The following ADAM12 variants were observed in gnomAD, a reference collection of about 807,000 sequenced individuals.
The protein encoded by ADAM12 is disintegrin and metalloproteinase domain-containing protein 12.
Under a neutral mutation model 106.4 loss-of-function variants are expected in ADAM12, and 70 were observed. The ratio of observed to expected loss-of-function variants is 0.66; its 90% confidence interval spans 0.54 to 0.80. ADAM12 has a LOEUF of 0.80. ADAM12 is among the 30% of genes least tolerant of loss of function. ADAM12 has a pLI of 0.00. For missense variants in ADAM12, 1,010 were observed against 1,171.9 expected (o/e 0.86, Z 2.02); for synonymous variants, 420 against 433.5 (o/e 0.97, Z 0.39).
intron 11 of ADAM12, among the ~76,000 whole-genome samples, chr10:126,087,332 T>A (rs1305613758): frequency 6.6e-6 from 1 of 152,220 alleles, no homozygotes; most frequent in Non-Finnish European, 1.5e-5. Context: ...CTTCTTGAAC[T>A]GTTTTCAAGA....
At chr10:126,086,667 AAAAAAAAAAAAAAATATAT>A (rs1160507278) in intron 11 of ADAM12, among the ~76,000 whole-genome samples, 2 of 69,826 alleles carry the variant, frequency 2.9e-5, no homozygotes, top group African/African-American at 1.6e-4. Flanking sequence ...AAAAAAAAAA[AAAAAAAAAAAAAAATATAT>A]ATATATATAT....
intron 14 of ADAM12, among the ~76,000 whole-genome samples, chr10:126,057,161 A>G (rs1209640026): frequency 2.2e-5 from 1 of 44,764 alleles, no homozygotes; most frequent in African/African-American, 7.7e-5. Context: ...GTGTGAGATG[A>G]TATCTCATAG....
Position 126,043,250 on chromosome 10 carries a change from GAC to G in ADAM12, c.1996-104_1996-103del, listed in dbSNP as rs1954226378. ...ATGGTCAGAGCCCCCCCCCAACACT[GAC>G]ACAGCCAGACTCAGCACACGCCATG... On this transcript the variant is annotated intron_variant, in intron 17 of 22. Transcript: ENST00000448723. This position sits in a 1 kb window ranked among gnomAD's most constrained non-coding sequence, Gnocchi z 4.1. The G allele has an allele frequency of 2.9e-5, 30 of 1,047,122 alleles. No individual in the cohort carries two copies. In the South Asian group the frequency reaches 4.3e-4, roughly 15 times the overall value. 64.9% of individuals were successfully genotyped at this position (1,047,122 alleles called of 1,614,324 possible). A position where few individuals can be genotyped will look rare whatever the true frequency, so the allele number is the denominator to read the frequency against.
rs769071080 is a variant in ADAM12 at position 126,019,719 on chromosome 10, G to A, written c.2636C>T (p.Thr879Ile). 1.2e-6 allele frequency: 2 copies of A among 1,613,916 alleles called. No homozygotes were observed. ...CCTGAGGGGTGCCAGGCGGAGCCCA[G>A]TCTCCCATTGTCCTGGGGTCCTGGC... ...ALARTPGQWE[T>I]GLRLAPLRPA... The change falls in exon 22 of 23, where the codon ACT (threonine) becomes ATT (isoleucine). Residue 879 changes from threonine to isoleucine, a missense_variant. Transcript: ENST00000448723.
At chr10:126,082,234 A>G (rs1385258459) in intron 11 of ADAM12, among the ~76,000 whole-genome samples, 5 of 152,118 alleles carry the variant, frequency 3.3e-5, no homozygotes, top group Admixed American at 6.5e-5. Context: ...CATAAAGCTC[A>G]TGTCACATGA....
intron 3 of ADAM12, among the ~76,000 whole-genome samples, chr10:126,162,088 A>G (rs926517934): frequency 1.3e-5 from 2 of 152,194 alleles, no homozygotes; most frequent in African/African-American, 2.4e-5. Context: ...AGCATGCTGC[A>G]CAATGGGAAT....
In ADAM12 at chr10:126,014,028, A is replaced by G. The variant is rs1022427737; in HGVS notation, c.*3251T>C. The G allele has an allele frequency of 6.6e-6, 1 of 152,208 alleles. No homozygotes were observed. The highest frequency in any genetic ancestry group is 2.4e-5 in the African/African-American group (1 of 41,408). 9.4% of individuals were successfully genotyped at this position (152,208 alleles called of 1,614,324 possible). On this transcript the variant is annotated 3_prime_UTR_variant, in exon 23 of 23. Transcript: ENST00000448723. ...GCCTGAGTGTGCCGTGGGCCCCCCG[A>G]ATACATAGGGGAGCCCTGCAAAGCA... is the stretch of plus-strand genomic sequence containing the variant.
In ADAM12 at chr10:126,154,783, G is replaced by A. The variant is rs1035322294; in HGVS notation, c.339+444C>T. Among the ~76,000 whole-genome samples, 10 of 152,268 alleles carry A rather than the reference G, an allele frequency of 6.6e-5. No homozygotes were observed. In the East Asian group the frequency reaches 1.7e-3, roughly 26 times the overall value. Reference sequence around the variant, plus strand: ...AATGTCATGTTACAGTAACACCCACGATATAGAATCGTATCCACATTGTGG... The same window carrying A: ...AATGTCATGTTACAGTAACACCCACAATATAGAATCGTATCCACATTGTGG... On this transcript the variant is annotated intron_variant, in intron 4 of 22. Coordinates refer to ENST00000448723, the MANE Select transcript of ADAM12 (RefSeq NM_001288973.2).
Position 126,017,094 on chromosome 10 carries a change from G to A in ADAM12, c.*185C>T. On this transcript the variant is annotated 3_prime_UTR_variant, in exon 23 of 23. Transcript: ENST00000448723. ...TTCTGCATAAATTAATAATTTACAA[G>A]TACCTGAGCAAGTAGACAGAGCACC... 1 of 547,318 alleles carries A rather than the reference G, an allele frequency of 1.8e-6. No homozygotes were observed. Among genetic ancestry groups the A allele is most frequent in the Non-Finnish European group, 3.3e-6 (1 of 307,414 alleles). 33.9% of individuals were successfully genotyped at this position (547,318 alleles called of 1,614,324 possible).
intron 11 of ADAM12, among the ~76,000 whole-genome samples, chr10:126,086,904 G>A (rs1955368598): frequency 6.7e-6 from 1 of 149,606 alleles, no homozygotes; most frequent in African/African-American, 2.5e-5. Context: ...TTGGTAGTGT[G>A]CACCTGTAAT....
chr10:126,167,729 A>G (rs1957049118), intron 3 of ADAM12, among the ~76,000 whole-genome samples: 2 of 152,204 alleles, frequency 1.3e-5, no homozygotes, highest in Non-Finnish European at 2.9e-5. Context: ...TTCATTTTCT[A>G]ATTGCCCTTC....
At chr10:126,026,214 C>G (rs1479221114) in intron 21 of ADAM12, among the ~76,000 whole-genome samples, 1 of 152,130 alleles carries the variant, frequency 6.6e-6, no homozygotes, top group Non-Finnish European at 1.5e-5. Flanking sequence ...ACAAAACAGA[C>G]TTTAAACCAA....
intron 1 of ADAM12, among the ~76,000 whole-genome samples, chr10:126,360,692 C>T (rs537637935): frequency 2.7e-4 from 41 of 152,336 alleles, no homozygotes; most frequent in Admixed American, 7.2e-4. Context: ...CAAACTTTCT[C>T]ACATTTTCCT....
At chr10:126,058,438 C>T (rs1054498843) in intron 14 of ADAM12, among the ~76,000 whole-genome samples, 11 of 152,198 alleles carry the variant, frequency 7.2e-5, no homozygotes, top group African/African-American at 2.7e-4. Flanking sequence ...TATTCATTGA[C>T]ATCAAATGAA....
chr10:126,135,410 T>C, intron 5 of ADAM12, 174 bp downstream of exon 5: 1 of 608,714 alleles, frequency 1.6e-6, no homozygotes, highest in Non-Finnish European at 2.9e-6. Flanking sequence ...TGGGTGGCCA[T>C]GCTCTTGTAA....
chr10:126,033,228 C>T (rs1366957585), intron 21 of ADAM12, among the ~76,000 whole-genome samples: 1 of 152,022 alleles, frequency 6.6e-6, no homozygotes, highest in African/African-American at 2.4e-5. Flanking sequence ...AGTTTTATAC[C>T]AGAGAAATCA....
chr10:126,361,127 G>A lies in ADAM12; in HGVS notation c.88+26931C>T, dbSNP rs139966708. Among the ~76,000 whole-genome samples the A allele has an allele frequency of 5.8e-3, 877 of 152,276 alleles. 11 individuals are homozygous for A. Among genetic ancestry groups the A allele is most frequent in the African/African-American group, 0.02 (850 of 41,548 alleles). On this transcript the variant is annotated intron_variant, in intron 1 of 22. Transcript: ENST00000448723. The stretch of plus-strand genomic sequence containing the variant: ...TCCCACCAGGTTCCTCCCACAACAC[G>A]TGGGAAGTCAAGATGAGATTTTGGT...
At chr10:126,264,384 C>T (rs555568235) in intron 3 of ADAM12, among the ~76,000 whole-genome samples, 13 of 152,142 alleles carry the variant, frequency 8.5e-5, no homozygotes, top group Non-Finnish European at 1.3e-4. Flanking sequence ...CTAAATAAAT[C>T]GTCTCCCCAG....
chr10:126,019,121 G>T (rs1398860127), intron 22 of ADAM12, among the ~76,000 whole-genome samples: 2 of 152,132 alleles, frequency 1.3e-5, no homozygotes, highest in African/African-American at 4.8e-5. Context: ...AAATCTGGTT[G>T]TTTAAAAGTG....
Sources: allele counts gnomAD v4.1 joint callset (sites outside exome capture counted in the v4.1 genomes callset), GRCh38; gene constraint gnomAD v4.1.1; non-coding constraint Gnocchi (gnomAD v3.1); transcripts MANE v1.5; gene names NCBI Gene and HGNC (gene_info 2026-07-23, HGNC 2026-07-21).